Variants in CRYBG1 observed in about 807,000 individuals in gnomAD.
CRYBG1 encodes crystallin beta-gamma domain containing 1.
A neutral mutation model predicts 189.2 loss-of-function variants in CRYBG1; 139 were observed. The observed-to-expected ratio is 0.73, with a 90% CI of 0.64 to 0.85. The LOEUF is 0.85. Among genes scored for constraint, CRYBG1 ranks in the 40% least tolerant of loss-of-function variants. CRYBG1 has a pLI of 0.00. For synonymous variants in CRYBG1, 1,023 were observed against 1,017.1 expected (o/e 1.01, Z -0.11); for missense variants, 2,611 against 2,675.8 (o/e 0.98, Z 0.53).
chr6:106,470,428 C>T (rs559940788), intron 2 of CRYBG1, among the ~76,000 whole-genome samples: 100 of 152,204 alleles, frequency 6.6e-4, no homozygotes, highest in African/African-American at 2.3e-3. Flanking sequence ...TAAAAATTAG[C>T]CGGGCGTGAT....
At chr6:106,470,370 G>A (rs1259497111) in intron 2 of CRYBG1, among the ~76,000 whole-genome samples, 1 of 151,760 alleles carries the variant, frequency 6.6e-6, no homozygotes, top group Admixed American at 6.6e-5. Context: ...TTCCTTCATT[G>A]GACTGACAAA....
chr6:106,470,624 G>C lies in CRYBG1; in HGVS notation c.312+18792G>C, dbSNP rs147463654. Among the ~76,000 whole-genome samples the C allele has an allele frequency of 4.6e-5, 7 of 152,202 alleles. No individual in the cohort carries two copies. The East Asian group carries it at 1.4e-3, about 29-fold the overall frequency. On this transcript the variant is annotated intron_variant, in intron 2 of 21. Transcript: ENST00000633556. ...TCTGCACTATAAAAAGATGAGTCTAGAGCAGGAACACAAAAGCAAGTATAT... is the reference window on the plus strand; with the variant it reads ...TCTGCACTATAAAAAGATGAGTCTACAGCAGGAACACAAAAGCAAGTATAT...
chr6:106,488,249 G>A (rs1236614871), intron 2 of CRYBG1, among the ~76,000 whole-genome samples: 1 of 152,220 alleles, frequency 6.6e-6, no homozygotes, highest in African/African-American at 2.4e-5. Flanking sequence ...GGTCACCACT[G>A]TGCTATCTGT....
chr6:106,510,843 G>A (rs1439410425), intron 2 of CRYBG1, among the ~76,000 whole-genome samples: 1 of 152,226 alleles, frequency 6.6e-6, no homozygotes, highest in Admixed American at 6.5e-5. Context: ...CGGCTAAGGC[G>A]GGGCCCAGGT....
At chr6:106,396,605 G>T (rs1582739884) in intron 1 of CRYBG1, among the ~76,000 whole-genome samples, 1 of 152,186 alleles carries the variant, frequency 6.6e-6, no homozygotes, top group Non-Finnish European at 1.5e-5. Flanking sequence ...TAATGGTTTT[G>T]CTTCTTGACC....
At chr6:106,449,094 T>C (rs1201895044) in intron 1 of CRYBG1, among the ~76,000 whole-genome samples, 1 of 152,218 alleles carries the variant, frequency 6.6e-6, no homozygotes, top group Non-Finnish European at 1.5e-5. Flanking sequence ...AAAAGGATCC[T>C]ATGTTTTAAG....
chr6:106,568,652 A>G lies in CRYBG1; in HGVS notation c.*86A>G. On this transcript the variant is annotated 3_prime_UTR_variant, in exon 22 of 22. Coordinates refer to ENST00000633556, the MANE Select transcript of CRYBG1 (RefSeq NM_001371242.2). The stretch of plus-strand genomic sequence containing the variant: ...CAATGCTGATGGAAGACCAGACTGG[A>G]AAGTGGATCGACTCCTCCTTCATTG... 6.3e-6 allele frequency: 6 copies of G among 952,316 alleles called. No homozygotes were observed. The highest frequency in any genetic ancestry group is 8.2e-6 in the Non-Finnish European group (5 of 606,380). 59.0% of individuals were successfully genotyped at this position (952,316 alleles called of 1,614,324 possible). A position where few individuals can be genotyped will look rare whatever the true frequency, so the allele number is the denominator to read the frequency against.
In CRYBG1 at chr6:106,520,975, T is replaced by C. The variant is rs200028219; in HGVS notation, c.3767T>C (p.Phe1256Ser). The C allele has an allele frequency of 8.8e-5, 142 of 1,614,020 alleles. No individual in the cohort carries two copies. Among genetic ancestry groups the C allele is most frequent in the Admixed American group, 1.0e-4 (6 of 59,992 alleles). The change falls in exon 4 of 22, where the codon TTT (phenylalanine) becomes TCT (serine). Residue 1256 changes from phenylalanine to serine, a missense_variant. Coordinates refer to ENST00000633556, the MANE Select transcript of CRYBG1 (RefSeq NM_001371242.2). Reference sequence around the variant, plus strand: ...TCTTCTTTACCACAAGACAAAATCTTTTCTCCTTCTGTGACATCAGTCAAC... The same window carrying C: ...TCTTCTTTACCACAAGACAAAATCTCTTCTCCTTCTGTGACATCAGTCAAC... ...LLSSLPQDKI[F>S]SPSVTSVNTM...
chr6:106,535,396 A>AC (rs1311530407), intron 8 of CRYBG1, among the ~76,000 whole-genome samples: 2 of 152,204 alleles, frequency 1.3e-5, no homozygotes, highest in African/African-American at 4.8e-5. Flanking sequence ...ATTCACTTTG[A>AC]CCCAATAATT....
Position 106,560,790 on chromosome 6 carries a change from T to G in CRYBG1, c.5856-13T>G. The stretch of plus-strand genomic sequence containing the variant: ...TGAAAATTGCCACTTACTGTGGTTA[T>G]TTTTGTTTTCAGATGGGTTACTTAT... On this transcript the variant is annotated splice_polypyrimidine_tract_variant and intron_variant, in intron 18 of 21. Coordinates refer to ENST00000633556, the MANE Select transcript of CRYBG1 (RefSeq NM_001371242.2). The G allele has an allele frequency of 6.3e-7, 1 of 1,598,502 alleles. No individual in the cohort carries two copies. The highest frequency in any genetic ancestry group is 8.5e-7 in the Non-Finnish European group (1 of 1,174,408).
intron 2 of CRYBG1, among the ~76,000 whole-genome samples, chr6:106,481,970 G>A (rs1772471698): frequency 7.2e-6 from 1 of 138,258 alleles, no homozygotes; most frequent in South Asian, 2.1e-4. Context: ...CTTACTTACA[G>A]GACCTGACTG....
In CRYBG1 at chr6:106,558,503, A is replaced by G; in HGVS notation, c.5733A>G (p.Thr1911=). The change falls in exon 18 of 22, where the codon ACA becomes ACG. Residue 1911 remains threonine (T), a synonymous_variant. Coordinates refer to ENST00000633556, the MANE Select transcript of CRYBG1 (RefSeq NM_001371242.2). The part of the protein sequence containing the change: ...RFIDVEFSEP[T]IILFEREDFK... Reference sequence around the variant, plus strand: ...CTCAACAGGAATTTTCTGAACCAACAATTATTCTCTTTGAAAGAGAAGACT... The same window carrying G: ...CTCAACAGGAATTTTCTGAACCAACGATTATTCTCTTTGAAAGAGAAGACT... 6.2e-7 allele frequency: 1 copy of G among 1,602,064 alleles called. No individual in the cohort carries two copies. The highest frequency in any genetic ancestry group is 2.2e-5 in the East Asian group (1 of 44,674).
At chr6:106,478,753 C>T (rs190744505) in intron 2 of CRYBG1, among the ~76,000 whole-genome samples, 1 of 152,300 alleles carries the variant, frequency 6.6e-6, no homozygotes, top group African/African-American at 2.4e-5. Context: ...AGCCATTCCC[C>T]ATCACTTGCA....
chr6:106,469,879 T>G (rs1348844041), intron 2 of CRYBG1, among the ~76,000 whole-genome samples: 1 of 152,216 alleles, frequency 6.6e-6, no homozygotes, highest in Non-Finnish European at 1.5e-5. Flanking sequence ...CCAAGGCCCA[T>G]GAAGACTCAG....
chr6:106,510,130 AC>A (rs1164162174), intron 2 of CRYBG1, among the ~76,000 whole-genome samples: 1 of 152,032 alleles, frequency 6.6e-6, no homozygotes, highest in Non-Finnish European at 1.5e-5. Flanking sequence ...CGTCGCCAGG[AC>A]TCAAGCTAGC....
intron 1 of CRYBG1, among the ~76,000 whole-genome samples, chr6:106,428,271 AGT>A (rs536061376): frequency 1.2e-4 from 18 of 152,246 alleles, no homozygotes; most frequent in Admixed American, 3.3e-4. Context: ...AATTGGACAT[AGT>A]ATATTAGAAA....
chr6:106,442,209 C>T (rs875262), intron 1 of CRYBG1, among the ~76,000 whole-genome samples: 1 of 151,950 alleles, frequency 6.6e-6, no homozygotes, highest in Non-Finnish European at 1.5e-5. Context: ...TCTCTTGAAA[C>T]TTTATTGCTT....
intron 1 of CRYBG1, among the ~76,000 whole-genome samples, chr6:106,371,964 T>C (rs1770047001): frequency 6.6e-6 from 1 of 152,222 alleles, no homozygotes; most frequent in Non-Finnish European, 1.5e-5. Context: ...TCACAATAGC[T>C]GATAACTGTT....
chr6:106,412,509 A>T (rs1314994789), intron 1 of CRYBG1, among the ~76,000 whole-genome samples: 1 of 152,158 alleles, frequency 6.6e-6, no homozygotes, highest in Non-Finnish European at 1.5e-5. Context: ...AAGGAAAAAC[A>T]TATGTTATTA....
Sources: allele counts gnomAD v4.1 joint callset (sites outside exome capture counted in the v4.1 genomes callset), GRCh38; gene constraint gnomAD v4.1.1; transcripts MANE v1.5; gene names NCBI Gene and HGNC (gene_info 2026-07-23, HGNC 2026-07-21).